Variants in SMAP1 observed in about 807,000 individuals in gnomAD.
SMAP1 encodes the protein small ArfGAP 1, also known as stromal membrane-associated protein 1.
Under a neutral mutation model 58.5 loss-of-function variants are expected in SMAP1, and 24 were observed. That is an observed-to-expected ratio of 0.41 (90% confidence interval 0.30 to 0.58). The LOEUF (loss-of-function observed/expected upper bound fraction) is 0.58. SMAP1 is among the 20% of genes least tolerant of loss of function. The pLI, the probability that SMAP1 is intolerant of heterozygous loss-of-function variation, is 0.29. For missense variants in SMAP1, 563 were observed against 566.3 expected, an observed-to-expected ratio of 0.99 and a Z score of 0.06; for synonymous variants, 216 against 196.6, an observed-to-expected ratio of 1.10 and a Z score of -0.82.
intron 6 of SMAP1, among the ~76,000 whole-genome samples, chr6:70,808,543 C>T (rs1769244311): frequency 6.6e-6 from 1 of 152,140 alleles, no homozygotes; most frequent in Non-Finnish European, 1.5e-5. Context: ...GCTCCTGATC[C>T]ATCAGTCACT....
chr6:70,696,037 G>A (rs553815410), intron 1 of SMAP1, among the ~76,000 whole-genome samples: 1 of 152,068 alleles, frequency 6.6e-6, no homozygotes, highest in African/African-American at 2.4e-5. Flanking sequence ...TATCCATTTC[G>A]TCTAGCTTTT....
chr6:70,744,680 A>G (rs569540993), intron 2 of SMAP1, among the ~76,000 whole-genome samples: 24 of 152,230 alleles, frequency 1.6e-4, no homozygotes, highest in Non-Finnish European at 3.2e-4. Flanking sequence ...TCCTTTGGGT[A>G]TATACCCAGT....
At chr6:70,813,491 C>A (rs1769478617) in intron 6 of SMAP1, among the ~76,000 whole-genome samples, 1 of 152,046 alleles carries the variant, frequency 6.6e-6, no homozygotes, top group Admixed American at 6.6e-5. Context: ...GTGTAATAAA[C>A]TACCGAGAGT....
chr6:70,759,015 A>C (rs931362640), intron 3 of SMAP1, among the ~76,000 whole-genome samples: 1 of 152,132 alleles, frequency 6.6e-6, no homozygotes, highest in African/African-American at 2.4e-5. Flanking sequence ...CAGTACATTC[A>C]GATTGAGGAG....
chr6:70,723,049 T>C (rs1248099065), intron 1 of SMAP1, among the ~76,000 whole-genome samples: 2 of 152,258 alleles, frequency 1.3e-5, no homozygotes, highest in Non-Finnish European at 2.9e-5. Context: ...AAAACATTTC[T>C]GAGTAAACTT....
At chr6:70,699,704 G>A (rs1767548505) in intron 1 of SMAP1, among the ~76,000 whole-genome samples, 1 of 151,952 alleles carries the variant, frequency 6.6e-6, no homozygotes, top group Non-Finnish European at 1.5e-5. Context: ...GGTGAGTACT[G>A]CCTCGCCACT....
intron 5 of SMAP1, among the ~76,000 whole-genome samples, chr6:70,793,952 C>T (rs554012975): frequency 2.0e-5 from 3 of 152,158 alleles, no homozygotes; most frequent in African/African-American, 7.2e-5. Flanking sequence ...AGGCTGGTCT[C>T]GAACTCCCGA....
intron 1 of SMAP1, among the ~76,000 whole-genome samples, chr6:70,722,789 G>A (rs1768588217): frequency 6.6e-6 from 1 of 152,234 alleles, no homozygotes; most frequent in African/African-American, 2.4e-5. Context: ...GCTATTTTTT[G>A]TGGTTTAAGA....
At chr6:70,714,891 C>A (rs1303891971) in intron 1 of SMAP1, among the ~76,000 whole-genome samples, 1 of 151,966 alleles carries the variant, frequency 6.6e-6, no homozygotes, top group Non-Finnish European at 1.5e-5. Context: ...TCTTGGCTGA[C>A]AATTTTTTTT....
Position 70,671,399 on chromosome 6 carries a change from G to C in SMAP1, c.118+3258G>C, listed in dbSNP as rs1015679604. Among the ~76,000 whole-genome samples, 4 of 152,040 alleles carry C rather than the reference G, an allele frequency of 2.6e-5. No individual in the cohort carries two copies. The East Asian group carries it at 7.8e-4, about 29-fold the overall frequency. Reference sequence around the variant, plus strand: ...AGCCTGGCCAACATAGTGAAACCCCGTCTCCACTAAAAATACAAAAACCAT... The same window carrying C: ...AGCCTGGCCAACATAGTGAAACCCCCTCTCCACTAAAAATACAAAAACCAT... On this transcript the variant is annotated intron_variant, in intron 1 of 10. Transcript: ENST00000370455.
At chr6:70,790,925 C>A (rs995248686) in intron 4 of SMAP1, among the ~76,000 whole-genome samples, 26 of 152,194 alleles carry the variant, frequency 1.7e-4, no homozygotes, top group African/African-American at 6.3e-4. Flanking sequence ...GATAATGCTT[C>A]CATTAAAGTG....
At position 70,860,494 on chromosome 6, in the gene SMAP1, T is replaced by G; in HGVS notation, c.*160T>G. Reference sequence around the variant, plus strand: ...CCGTGTTGGTCTGTACTGATTCAATTTGATGTGGTGAAAAGCAGGTTGATA... The same window carrying G: ...CCGTGTTGGTCTGTACTGATTCAATGTGATGTGGTGAAAAGCAGGTTGATA... On this transcript the variant is annotated 3_prime_UTR_variant, in exon 11 of 11. Coordinates refer to ENST00000370455, the MANE Select transcript of SMAP1 (RefSeq NM_001044305.3). 1 of 717,368 alleles carries G rather than the reference T, an allele frequency of 1.4e-6. No individual in the cohort carries two copies. The highest frequency in any genetic ancestry group is 2.0e-6 in the Non-Finnish European group (1 of 500,446). 44.4% of individuals were successfully genotyped at this position (717,368 alleles called of 1,614,324 possible).
chr6:70,751,162 C>A (rs902677157), intron 2 of SMAP1, among the ~76,000 whole-genome samples: 2 of 152,208 alleles, frequency 1.3e-5, no homozygotes, highest in East Asian at 3.9e-4. Flanking sequence ...ATCACTTGAA[C>A]CTGGGAGATG....
At chr6:70,836,375 T>C (rs1413711396) in intron 6 of SMAP1, among the ~76,000 whole-genome samples, 1 of 152,154 alleles carries the variant, frequency 6.6e-6, no homozygotes, top group African/African-American at 2.4e-5. Context: ...GCCCCCGTGA[T>C]TTAATTACCT....
chr6:70,811,093 A>G (rs1354698501), intron 6 of SMAP1, among the ~76,000 whole-genome samples: 2 of 152,138 alleles, frequency 1.3e-5, no homozygotes, highest in Non-Finnish European at 2.9e-5. Flanking sequence ...AAATATTAAC[A>G]AACTACTAAA....
chr6:70,789,397 ATTTTC>A (rs940141375), intron 4 of SMAP1, among the ~76,000 whole-genome samples: 42 of 149,268 alleles, frequency 2.8e-4, no homozygotes, highest in African/African-American at 9.9e-4. Context: ...CATAGATTAT[ATTTTC>A]TTTTCTAGAG....
intron 6 of SMAP1, among the ~76,000 whole-genome samples, chr6:70,834,436 C>T (rs985756821): frequency 6.6e-6 from 1 of 150,646 alleles, no homozygotes; most frequent in Non-Finnish European, 1.5e-5. Context: ...TTCCTGTATT[C>T]CTATTTGGCA....
At chr6:70,859,339 A>C in intron 10 of SMAP1, 3 of 1,548,108 alleles carry the variant, frequency 1.9e-6, no homozygotes, top group Non-Finnish European at 2.6e-6. Flanking sequence ...ATAATGCAGA[A>C]GGGTGATGCT....
chr6:70,825,930 C>G (rs1770095734), intron 6 of SMAP1, among the ~76,000 whole-genome samples: 1 of 152,198 alleles, frequency 6.6e-6, no homozygotes, highest in Admixed American at 6.5e-5. Flanking sequence ...CTGGTCCACA[C>G]TGAACCAGAT....
Sources: gnomAD v4.1 joint callset for allele counts (sites outside exome capture counted in the v4.1 genomes callset) on GRCh38, gnomAD v4.1.1 for gene constraint, MANE v1.5 for transcripts, NCBI Gene and HGNC (gene_info 2026-07-23, HGNC 2026-07-21) for gene names.